The following SYNE3 variants were observed in gnomAD, a reference collection of about 807,000 sequenced individuals.
The protein encoded by SYNE3 is nesprin-3.
A neutral mutation model predicts 111.2 loss-of-function variants in SYNE3; 100 were observed. The observed-to-expected ratio is 0.90, with a 90% confidence interval of 0.77 to 1.06. The LOEUF (loss-of-function observed/expected upper bound fraction) is 1.06, where lower values mean the gene tolerates loss of function less well. Ranked by LOEUF, SYNE3 falls within the 50% of genes least tolerant of loss-of-function variation. The pLI is 0.00. For synonymous variants in SYNE3, 547 were observed against 533.9 expected, an observed-to-expected ratio of 1.02 and a Z score of -0.34; for missense variants, 1,160 against 1,240.3, an observed-to-expected ratio of 0.94 and a Z score of 0.97.
At chr14:95,513,133 TCTC>T (rs1471030043) in intron 1 of SYNE3, among the ~76,000 whole-genome samples, 1 of 152,178 alleles carries the variant, frequency 6.6e-6, no homozygotes, top group Non-Finnish European at 1.5e-5. Context: ...TACAAAGTGA[TCTC>T]CTTTGTAACT....
intron 1 of SYNE3, among the ~76,000 whole-genome samples, chr14:95,478,419 A>G (rs1295320723): frequency 1.3e-5 from 2 of 151,826 alleles, no homozygotes; most frequent in African/African-American, 2.4e-5. Context: ...TGTTACTGTG[A>G]CCCCTGCACG....
intron 1 of SYNE3, among the ~76,000 whole-genome samples, chr14:95,481,570 G>A (rs528957725): frequency 1.3e-4 from 20 of 152,316 alleles, no homozygotes; most frequent in South Asian, 4.1e-4. Context: ...CACCCAGGGC[G>A]GAGAGGCTGT....
chr14:95,457,530 C>G lies in SYNE3; in HGVS notation c.628-192G>C, dbSNP rs183120451. 5.4e-3 allele frequency among the ~76,000 whole-genome samples: 817 copies of G among 152,254 alleles called. 6 individuals are homozygous for G. Among genetic ancestry groups the G allele is most frequent in the Non-Finnish European group, 8.5e-3 (580 of 68,016 alleles). On this transcript the variant is annotated intron_variant, in intron 4 of 17. Transcript: ENST00000682763. The stretch of plus-strand genomic sequence containing the variant: ...TCTGTTCTGCCTTACAAACAATATG[C>G]CAAGAGAGTTGGCTTTGGAGACCAG...
In SYNE3 at chr14:95,455,744, G is replaced by A. The variant is rs768274534; in HGVS notation, c.790-20C>T. On this transcript the variant is annotated intron_variant, in intron 5 of 17. Transcript: ENST00000682763. ...AATGTCCTGAAGAGGGTAGAGGGGT[G>A]AGGGAAAAACAGGCAGGGAAAAAGA... The A allele has an allele frequency of 4.4e-6, 7 of 1,606,790 alleles. No homozygotes were observed. The highest frequency in any genetic ancestry group is 1.7e-5 in the Admixed American group (1 of 59,178).
intron 4 of SYNE3, among the ~76,000 whole-genome samples, chr14:95,463,056 T>C (rs1410107693): frequency 6.6e-6 from 1 of 152,108 alleles, no homozygotes; most frequent in Admixed American, 6.6e-5. Context: ...CTCGGGAGGC[T>C]GAGGCAGGAG....
At chr14:95,445,856 G>A (rs1886680696) in intron 9 of SYNE3, 53 bp downstream of exon 9, 2 of 1,588,968 alleles carry the variant, frequency 1.3e-6, no homozygotes, top group Non-Finnish European at 8.6e-7. Flanking sequence ...CCCAGTGGGT[G>A]CTCCAGCCCC....
chr14:95,460,957 T>C (rs560857923), intron 4 of SYNE3, among the ~76,000 whole-genome samples: 1 of 152,204 alleles, frequency 6.6e-6, no homozygotes, highest in South Asian at 2.1e-4. Context: ...TAAATAAAAG[T>C]CTGTGTGATG....
intron 8 of SYNE3, among the ~76,000 whole-genome samples, chr14:95,448,501 AC>A (rs1886852059): frequency 6.6e-6 from 1 of 152,212 alleles, no homozygotes. Flanking sequence ...GGCCTGGTCA[AC>A]ATGATGAAAC....
intron 1 of SYNE3, among the ~76,000 whole-genome samples, chr14:95,477,748 T>A (rs999811838): frequency 2.8e-5 from 1 of 35,748 alleles, no homozygotes; most frequent in African/African-American, 1.7e-4. Flanking sequence ...CTGTTTTGAC[T>A]TTTTTTGTAA....
intron 11 of SYNE3, among the ~76,000 whole-genome samples, 182 bp from the exon 12 acceptor site, chr14:95,440,257 A>G (rs1886343189): frequency 6.6e-6 from 1 of 152,226 alleles, no homozygotes; most frequent in South Asian, 2.1e-4. Context: ...TTACCCTTGG[A>G]AGATCAAATC....
chr14:95,504,779 G>A (rs1453734198), intron 1 of SYNE3, among the ~76,000 whole-genome samples: 2 of 152,072 alleles, frequency 1.3e-5, no homozygotes, highest in African/African-American at 2.4e-5. Flanking sequence ...CCAGGAGTTC[G>A]AGATCAGCCT....
chr14:95,433,906 A>G (rs7152933), intron 15 of SYNE3, among the ~76,000 whole-genome samples: 35,080 of 152,096 alleles, frequency 0.23, 4,586 homozygotes, highest in East Asian at 0.42. Context: ...CCGGGAGCCC[A>G]GTTTTAAATC....
intron 17 of SYNE3, among the ~76,000 whole-genome samples, chr14:95,431,869 C>T (rs1885785633): frequency 6.6e-6 from 1 of 152,244 alleles, no homozygotes; most frequent in Non-Finnish European, 1.5e-5. Context: ...TCTGCACACC[C>T]TGCCAGCCTC....
Position 95,470,430 on chromosome 14 carries a change from C to G in SYNE3, c.145-2463G>C, listed in dbSNP as rs1297567802. Among the ~76,000 whole-genome samples, 5 of 151,330 alleles carry G rather than the reference C, an allele frequency of 3.3e-5. No individual in the cohort carries two copies. Among genetic ancestry groups the G allele is most frequent in the Admixed American group, 6.6e-5 (1 of 15,184 alleles). Reference sequence around the variant, plus strand: ...GAGGATCGCTGAGGCCAGGAGTATGCAACCACTCTGGGCAAGACAGTGAGG... The same window carrying G: ...GAGGATCGCTGAGGCCAGGAGTATGGAACCACTCTGGGCAAGACAGTGAGG... On this transcript the variant is annotated intron_variant, in intron 2 of 17. Coordinates refer to ENST00000682763, the MANE Select transcript of SYNE3 (RefSeq NM_152592.6). This position sits in a 1 kb window ranked among gnomAD's most constrained non-coding sequence, Gnocchi z 4.2.
rs1368478347 is a variant in SYNE3 at position 95,432,090 on chromosome 14, C to CAGTCGG, written c.2710_2715dup (p.Pro904_Thr905dup). ...GGCAGACACTGTACCTTTTGGAATC[C>CAGTCGG]AGTCGGCTCCCCTGGAGAACTTTGT... is the stretch of plus-strand genomic sequence containing the variant. On this transcript the variant is annotated inframe_insertion, in exon 17 of 18. Transcript: ENST00000682763. 3.1e-6 allele frequency: 5 copies of CAGTCGG among 1,612,560 alleles called. No homozygotes were observed. The highest frequency in any genetic ancestry group is 3.4e-6 in the Non-Finnish European group (4 of 1,179,368).
intron 17 of SYNE3, among the ~76,000 whole-genome samples, chr14:95,427,749 C>T (rs1181601574): frequency 6.7e-6 from 1 of 149,264 alleles, no homozygotes; most frequent in Non-Finnish European, 1.5e-5. Flanking sequence ...CATTCGGGGC[C>T]ACTACCGGTC....
intron 2 of SYNE3, among the ~76,000 whole-genome samples, chr14:95,468,795 G>A (rs759793621): frequency 6.6e-6 from 1 of 152,158 alleles, no homozygotes; most frequent in African/African-American, 2.4e-5. Context: ...GCTTCTTGGA[G>A]GACTAAGACC....
At chr14:95,432,860 G>A (rs10150211) in intron 16 of SYNE3, among the ~76,000 whole-genome samples, 2,551 of 152,014 alleles carry the variant, frequency 0.017, 72 homozygotes, top group African/African-American at 0.057. Flanking sequence ...CCACCCACGC[G>A]GCCTCGGGCA....
chr14:95,450,055 C>A lies in SYNE3; in HGVS notation c.1325G>T (p.Trp442Leu). 1 of 1,568,414 alleles carries A rather than the reference C, an allele frequency of 6.4e-7. No individual in the cohort carries two copies. Among genetic ancestry groups the A allele is most frequent in the Non-Finnish European group, 8.6e-7 (1 of 1,156,612 alleles). ...RLRNAAAVEL[W>L]QHFQRPLQDL... is the part of the protein sequence containing the mutation. ...CTGCAGAGGCCGCTGGAAATGCTGC[C>A]ACAGCTCCACCGCCGCGGCATTGCG... The change falls in exon 8 of 18, where the codon TGG becomes TTG. Residue 442 changes from tryptophan (W) to leucine (L), a missense_variant. Trp to Leu is a moderately conservative substitution (Grantham distance 61). Coordinates refer to ENST00000682763, the MANE Select transcript of SYNE3 (RefSeq NM_152592.6).
Sources: gnomAD v4.1 joint callset for allele counts (sites outside exome capture counted in the v4.1 genomes callset) on GRCh38, gnomAD v4.1.1 for gene constraint, Gnocchi (gnomAD v3.1) non-coding constraint, MANE v1.5 for transcripts, NCBI Gene and HGNC (gene_info 2026-07-23, HGNC 2026-07-21) for gene names.